RBPJ: variants seen among roughly 807,000 people sequenced by gnomAD.
RBPJ encodes recombination signal binding protein for immunoglobulin kappa J region.
In RBPJ, 9 loss-of-function variants were observed where a neutral mutation model predicts 67.8. The ratio of observed to expected loss-of-function variants is 0.13; its 90% CI spans 0.08 to 0.23. The LOEUF (loss-of-function observed/expected upper bound fraction) is 0.23. RBPJ is among the 10% of genes least tolerant of loss of function. RBPJ has a pLI of 1.00. For missense variants in RBPJ, 305 were observed against 595.6 expected (o/e 0.51, Z 5.08); for synonymous variants, 198 against 203.3 (o/e 0.97, Z 0.22).
chr4:26,358,119 A>G (rs1442809583), intron 1 of RBPJ, among the ~76,000 whole-genome samples: 1 of 151,718 alleles, frequency 6.6e-6, no homozygotes. Context: ...GAGTTTGATA[A>G]AACTCTACAA....
intron 1 of RBPJ, among the ~76,000 whole-genome samples, chr4:26,234,556 C>G (rs990625267): frequency 1.3e-5 from 2 of 152,174 alleles, no homozygotes; most frequent in Non-Finnish European, 2.9e-5. Flanking sequence ...GAGAACTTCC[C>G]TGGCCACTCT....
At chr4:26,353,040 G>C (rs566778777) in intron 1 of RBPJ, among the ~76,000 whole-genome samples, 6 of 152,178 alleles carry the variant, frequency 3.9e-5, no homozygotes, top group Admixed American at 2.6e-4. Flanking sequence ...AGCAAAACCC[G>C]GTGGAAAGTG....
At chr4:26,184,499 A>C (rs932819615) in intron 1 of RBPJ, among the ~76,000 whole-genome samples, 5 of 152,148 alleles carry the variant, frequency 3.3e-5, no homozygotes, top group African/African-American at 1.2e-4. Context: ...GGGTGGTCAG[A>C]TACCAAGGGT....
chr4:26,231,987 G>A (rs973232222), intron 1 of RBPJ, among the ~76,000 whole-genome samples: 1 of 151,762 alleles, frequency 6.6e-6, no homozygotes, highest in Non-Finnish European at 1.5e-5. Flanking sequence ...CACCTCCCGA[G>A]TTCAAGCAAT....
chr4:26,372,352 G>T (rs1042974724), intron 1 of RBPJ, among the ~76,000 whole-genome samples: 2 of 152,204 alleles, frequency 1.3e-5, no homozygotes, highest in Non-Finnish European at 2.9e-5. Flanking sequence ...AGAAGTTGGT[G>T]AGAGGAGGAA....
Position 26,290,317 on chromosome 4 carries a change from TAA to T in RBPJ, c.-166-72110_-166-72109del, listed in dbSNP as rs35451160. 1.1e-3 allele frequency among the ~76,000 whole-genome samples: 119 copies of T among 109,342 alleles called. 2 individuals carry two copies. Among genetic ancestry groups the T allele is most frequent in the Non-Finnish European group, 1.2e-3 (64 of 54,494 alleles). The allele number at this position is 109,342 out of a possible 152,430, so 71.7% of individuals were successfully genotyped here. A position where few individuals can be genotyped will look rare whatever the true frequency, so the allele number is the denominator to read the frequency against. ...TTGCACCACAGAACGAGACCCTGTC[TAA>T]AAAAAAAAAAAAAAAAAAGTAAAAA... is the stretch of plus-strand genomic sequence containing the variant. On this transcript the variant is annotated intron_variant, in intron 1 of 4. Coordinates refer to the RBPJ transcript ENST00000512351.
At chr4:26,146,122 T>C in the RBPJ span, among the ~76,000 whole-genome samples, 3 of 152,188 alleles carry the variant, frequency 2.0e-5, no homozygotes, top group Non-Finnish European at 4.4e-5. Flanking sequence ...TTTAAAAACA[T>C]TTTTTGTAGA....
intron 1 of RBPJ, among the ~76,000 whole-genome samples, chr4:26,295,271 G>GT (rs1560248894): frequency 2.5e-5 from 3 of 117,918 alleles, no homozygotes; most frequent in African/African-American, 1.6e-4. Context: ...TGTGTGTGTG[G>GT]GTGTGTGTGT....
the RBPJ span, among the ~76,000 whole-genome samples, chr4:26,105,673 A>C: frequency 6.6e-6 from 1 of 152,236 alleles, no homozygotes; most frequent in African/African-American, 2.4e-5. Flanking sequence ...ACTGGAGAAC[A>C]CGGAAAGATT....
intron 1 of RBPJ, among the ~76,000 whole-genome samples, chr4:26,372,794 A>AT (rs1729298825): frequency 6.6e-6 from 1 of 152,214 alleles, no homozygotes; most frequent in African/African-American, 2.4e-5. Flanking sequence ...TTGTAGTATT[A>AT]CCCAAGGCAA....
intron 1 of RBPJ, among the ~76,000 whole-genome samples, chr4:26,203,419 G>A (rs79698155): frequency 6.6e-6 from 1 of 152,028 alleles, no homozygotes; most frequent in African/African-American, 2.4e-5. Flanking sequence ...ATACAGTAGG[G>A]TCTCCATACC....
the RBPJ span, among the ~76,000 whole-genome samples, chr4:26,146,152 G>A: frequency 6.6e-6 from 1 of 152,104 alleles, no homozygotes; most frequent in Admixed American, 6.5e-5. Context: ...TTACCATGTT[G>A]CCCAGGATGG....
intron 1 of RBPJ, among the ~76,000 whole-genome samples, chr4:26,363,797 A>G (rs958389913): frequency 6.6e-6 from 1 of 152,194 alleles, no homozygotes; most frequent in Non-Finnish European, 1.5e-5. Context: ...CAATGTATGT[A>G]TGCAGTTATT....
chr4:26,191,605 C>A (rs527940988), intron 1 of RBPJ, among the ~76,000 whole-genome samples: 2 of 152,252 alleles, frequency 1.3e-5, no homozygotes, highest in Non-Finnish European at 2.9e-5. Context: ...AAGCAGGAGC[C>A]AGCTCCAAGA....
intron 1 of RBPJ, among the ~76,000 whole-genome samples, chr4:26,357,588 A>G (rs1254504543): frequency 2.6e-5 from 4 of 152,208 alleles, no homozygotes; most frequent in Non-Finnish European, 5.9e-5. Flanking sequence ...CATAAATAAA[A>G]TTTACCATTT....
At chr4:26,143,020 G>A in the RBPJ span, among the ~76,000 whole-genome samples, 1 of 152,198 alleles carries the variant, frequency 6.6e-6, no homozygotes, top group Non-Finnish European at 1.5e-5. Context: ...AACCTCAGGT[G>A]ATCCACCTAC....
At chr4:26,251,847 C>CAAAAAA (rs769291407) in intron 1 of RBPJ, among the ~76,000 whole-genome samples, 40 of 49,378 alleles carry the variant, frequency 8.1e-4, no homozygotes, top group Middle Eastern at 0.013. Flanking sequence ...GACTCCGTCT[C>CAAAAAA]AAAAAAAAAA....
chr4:26,335,689 G>A (rs926617052), intron 1 of RBPJ, among the ~76,000 whole-genome samples: 4 of 144,044 alleles, frequency 2.8e-5, no homozygotes, highest in Non-Finnish European at 4.5e-5. Flanking sequence ...CTACGATCTC[G>A]GCTCACTGCA....
chr4:26,107,003 T>C, the RBPJ span, among the ~76,000 whole-genome samples: 10 of 152,092 alleles, frequency 6.6e-5, no homozygotes, highest in Non-Finnish European at 1.2e-4. Flanking sequence ...AGCCAGGAAA[T>C]GGAGCCAAGG....
Sources: gnomAD v4.1 joint callset for allele counts (sites outside exome capture counted in the v4.1 genomes callset) on GRCh38, gnomAD v4.1.1 for gene constraint, MANE v1.5 for transcripts, NCBI Gene and HGNC (gene_info 2026-07-23, HGNC 2026-07-21) for gene names.